The following FAXC variants were observed in gnomAD, a reference collection of about 807,000 sequenced individuals.
FAXC encodes the protein failed axon connections homolog, metaxin like GST domain containing.
In FAXC, 10 loss-of-function variants were observed where a neutral mutation model predicts 41.9. The observed-to-expected ratio is 0.24, with a 90% CI of 0.15 to 0.41. FAXC has a LOEUF of 0.41. Ranked by LOEUF, FAXC falls within the 10% of genes least tolerant of loss-of-function variation. The pLI is 1.00. For missense variants in FAXC, 399 were observed against 510.9 expected (o/e 0.78, Z 2.11); for synonymous variants, 183 against 183.8 (o/e 1.00, Z 0.03).
At chr6:99,319,315 C>T (rs1351895628) in intron 4 of FAXC, among the ~76,000 whole-genome samples, 1 of 148,056 alleles carries the variant, frequency 6.8e-6, no homozygotes, top group African/African-American at 2.5e-5. Context: ...AGGAGAATGG[C>T]GTGATCCCGC....
chr6:99,349,442 C>G lies in FAXC; in HGVS notation c.-70G>C. 8.6e-7 allele frequency: 1 copy of G among 1,168,698 alleles called. No individual in the cohort carries two copies. Among genetic ancestry groups the G allele is most frequent in the Non-Finnish European group, 1.1e-6 (1 of 946,266 alleles). 72.4% of individuals were successfully genotyped at this position (1,168,698 alleles called of 1,614,324 possible). A position where few individuals can be genotyped will look rare whatever the true frequency, so the allele number is the denominator to read the frequency against. On this transcript the variant is annotated 5_prime_UTR_variant, in exon 1 of 6. Transcript: ENST00000389677. Reference sequence around the variant, plus strand: ...CCGCATGGGAAGGGGCCGGCGCGGCCCGGCGCGGGCTCAGAGGCGCGCGGA... The same window carrying G: ...CCGCATGGGAAGGGGCCGGCGCGGCGCGGCGCGGGCTCAGAGGCGCGCGGA...
At chr6:99,284,109 T>C (rs1166694453) in intron 5 of FAXC, 2 of 152,218 alleles carry the variant, frequency 1.3e-5, no homozygotes, top group Non-Finnish European at 2.9e-5. Context: ...CACTCACCTG[T>C]TGAATTCATA....
chr6:99,273,262 C>G lies in FAXC; in HGVS notation c.*7902G>C, dbSNP rs1770478151. 1 of 152,044 alleles carries G rather than the reference C, an allele frequency of 6.6e-6. No homozygotes were observed. Among genetic ancestry groups the G allele is most frequent in the African/African-American group, 2.4e-5 (1 of 41,376 alleles). 9.4% of individuals were successfully genotyped at this position (152,044 alleles called of 1,614,324 possible). On this transcript the variant is annotated 3_prime_UTR_variant, in exon 6 of 6. Coordinates refer to ENST00000389677, the MANE Select transcript of FAXC (RefSeq NM_032511.4). ...TGGGTTCAAATTATGCCAACATTGG[C>G]CCTTCCTATCTCAGATACCTAAAAA...
upstream of FAXC, chr6:99,349,785 C>G (rs914608136): frequency 6.6e-6 from 1 of 152,040 alleles, no homozygotes; most frequent in Non-Finnish European, 1.5e-5. Context: ...CCGCCGGGGC[C>G]GGATCTGCAG....
chr6:99,323,773 T>C (rs994903325), intron 3 of FAXC, 106 bp from the exon 4 acceptor site: 5 of 800,790 alleles, frequency 6.2e-6, no homozygotes, highest in Non-Finnish European at 1.0e-5. Flanking sequence ...CTGGAGGAAC[T>C]GAATAACTGC....
intron 4 of FAXC, among the ~76,000 whole-genome samples, chr6:99,307,748 T>TTCCA (rs1771982786): frequency 6.6e-6 from 1 of 151,612 alleles, no homozygotes; most frequent in Non-Finnish European, 1.5e-5. Context: ...TGCTGTGAGG[T>TTCCA]GCTGGACAAA....
chr6:99,284,785 G>A (rs993853571), intron 5 of FAXC, among the ~76,000 whole-genome samples: 2 of 151,854 alleles, frequency 1.3e-5, no homozygotes, highest in African/African-American at 4.8e-5. Context: ...GTGGTAGCAG[G>A]CGCCTGTGGT....
At chr6:99,304,580 A>G (rs1771842903) in intron 4 of FAXC, among the ~76,000 whole-genome samples, 1 of 152,208 alleles carries the variant, frequency 6.6e-6, no homozygotes, top group South Asian at 2.1e-4. Flanking sequence ...AAACTTTTCT[A>G]TTAATGTTTT....
intron 5 of FAXC, among the ~76,000 whole-genome samples, chr6:99,286,575 C>T (rs1771036691): frequency 6.6e-6 from 1 of 152,198 alleles, no homozygotes. Context: ...GAAGGTTGAG[C>T]TCCTCCTAAT....
chr6:99,288,243 CA>C (rs1308153840), intron 5 of FAXC, among the ~76,000 whole-genome samples: 1 of 152,150 alleles, frequency 6.6e-6, no homozygotes, highest in Admixed American at 6.5e-5. Flanking sequence ...CAGATGACCA[CA>C]ACAGTGTGTG....
At position 99,274,453 on chromosome 6, in the gene FAXC, C is replaced by T. The variant is rs1770527181; in HGVS notation, c.*6711G>A. 6.6e-6 allele frequency: 1 copy of T among 152,138 alleles called. No homozygotes were observed. The highest frequency in any genetic ancestry group is 2.1e-4 in the South Asian group (1 of 4,820). 9.4% of individuals were successfully genotyped at this position (152,138 alleles called of 1,614,324 possible). A position where few individuals can be genotyped will look rare whatever the true frequency, so the allele number is the denominator to read the frequency against. ...GACATTTGTTACTGTTTTCTTCTCTCCTCCTACTCAGTTAAATTCTAATAC... is the reference window on the plus strand; with the variant it reads ...GACATTTGTTACTGTTTTCTTCTCTTCTCCTACTCAGTTAAATTCTAATAC... On this transcript the variant is annotated 3_prime_UTR_variant, in exon 6 of 6. Transcript: ENST00000389677.
intron 4 of FAXC, among the ~76,000 whole-genome samples, chr6:99,292,380 GC>G (rs1771280797): frequency 6.6e-6 from 1 of 152,198 alleles, no homozygotes; most frequent in South Asian, 2.1e-4. Context: ...GTAAAGAGTA[GC>G]TATGAGGTCA....
At chr6:99,331,028 T>G (rs1375167671) in intron 3 of FAXC, among the ~76,000 whole-genome samples, 1 of 152,204 alleles carries the variant, frequency 6.6e-6, no homozygotes. Flanking sequence ...GGCTAAAGGC[T>G]TGAGAACCTT....
intron 3 of FAXC, among the ~76,000 whole-genome samples, chr6:99,328,044 AT>A (rs1461884822): frequency 6.6e-6 from 1 of 152,184 alleles, no homozygotes; most frequent in Non-Finnish European, 1.5e-5. Flanking sequence ...AGAGTCATTC[AT>A]TAATACCCCA....
chr6:99,312,704 G>T (rs1000891637), intron 4 of FAXC, among the ~76,000 whole-genome samples: 1 of 152,154 alleles, frequency 6.6e-6, no homozygotes, highest in African/African-American at 2.4e-5. Context: ...CTGTAAGGTT[G>T]CAATATTTTA....
chr6:99,315,707 C>G (rs1772325696), intron 4 of FAXC, among the ~76,000 whole-genome samples: 2 of 152,194 alleles, frequency 1.3e-5, no homozygotes, highest in African/African-American at 2.4e-5. Flanking sequence ...AATACATTTA[C>G]AAATTTAAAT....
At chr6:99,292,616 G>A (rs12207550) in intron 4 of FAXC, among the ~76,000 whole-genome samples, 7,001 of 152,284 alleles carry the variant, frequency 0.046, 196 homozygotes, top group Non-Finnish European at 0.06. Context: ...TGGCATCACC[G>A]TTATTCACTG....
At chr6:99,282,881 G>T (rs1187753774) in intron 5 of FAXC, among the ~76,000 whole-genome samples, 2 of 152,086 alleles carry the variant, frequency 1.3e-5, no homozygotes, top group Non-Finnish European at 2.9e-5. Flanking sequence ...CTTCCAGAAA[G>T]GTACATATTT....
chr6:99,297,841 C>T (rs987260608), intron 4 of FAXC, among the ~76,000 whole-genome samples: 1 of 152,210 alleles, frequency 6.6e-6, no homozygotes, highest in Non-Finnish European at 1.5e-5. Context: ...TGCATGAAGG[C>T]TTCCCACACG....
Sources: allele counts gnomAD v4.1 joint callset (sites outside exome capture counted in the v4.1 genomes callset), GRCh38; gene constraint gnomAD v4.1.1; transcripts MANE v1.5; gene names NCBI Gene and HGNC (gene_info 2026-07-23, HGNC 2026-07-21).